Variants in FAM53C observed in about 807,000 individuals in gnomAD.
The protein encoded by FAM53C is family with sequence similarity 53 member C.
Under a neutral mutation model 34.7 loss-of-function variants are expected in FAM53C, and 10 were observed. The ratio of observed to expected loss-of-function variants is 0.29; its 90% CI spans 0.18 to 0.49. FAM53C has a LOEUF of 0.49. Among genes scored for constraint, FAM53C ranks in the 20% least tolerant of loss-of-function variants. FAM53C has a pLI of 0.99. For missense variants in FAM53C, 442 were observed against 515.3 expected, an observed-to-expected ratio of 0.86 and a Z score of 1.38; for synonymous variants, 203 against 203.6, an observed-to-expected ratio of 1.00 and a Z score of 0.03.
At position 138,347,131 on chromosome 5, in the gene FAM53C, T is replaced by A; in HGVS notation, c.*172T>A. The stretch of plus-strand genomic sequence containing the variant: ...AGCAAGCTCGACCATGCCAAGAGAC[T>A]GGCCGGGACAAGATAAACGGAGCTG... On this transcript the variant is annotated 3_prime_UTR_variant, in exon 5 of 5. Coordinates refer to ENST00000239906, the MANE Select transcript of FAM53C (RefSeq NM_016605.3). 1.1e-6 allele frequency: 1 copy of A among 902,634 alleles called. No homozygotes were observed. The highest frequency in any genetic ancestry group is 1.7e-6 in the Non-Finnish European group (1 of 601,092). The allele number at this position is 902,634 out of a possible 1,614,324, so 55.9% of individuals were successfully genotyped here. A position where few individuals can be genotyped will look rare whatever the true frequency, so the allele number is the denominator to read the frequency against.
upstream of FAM53C, chr5:138,337,855 G>T: frequency 1.4e-6 from 1 of 740,416 alleles, no homozygotes; most frequent in Non-Finnish European, 2.0e-6. Context: ...CAGAGCAGGT[G>T]AGGGGCACTG....
chr5:138,345,537 T>C lies in FAM53C; in HGVS notation c.849T>C (p.Thr283=), dbSNP rs749514784. ...CTTGTGATCTGGATGCCCGCAAAAC[T>C]GGGGTCAAGCGGCGCCACGAGGAAG... The part of the protein sequence containing the change: ...SQPCDLDARK[T]GVKRRHEEDP... The change falls in exon 4 of 5, where the codon ACT becomes ACC. Residue 283 remains threonine, a synonymous_variant. Transcript: ENST00000239906. The surrounding 1 kb of genome is among the most constrained non-coding windows in gnomAD (Gnocchi z 6.3). The C allele has an allele frequency of 6.8e-6, 11 of 1,613,718 alleles. No individual in the cohort carries two copies. The East Asian group carries it at 2.5e-4, about 36-fold the overall frequency.
At chr5:138,341,544 G>A in intron 2 of FAM53C, 131 bp downstream of exon 2, 1 of 921,888 alleles carries the variant, frequency 1.1e-6, no homozygotes, top group Non-Finnish European at 1.7e-6. Flanking sequence ...CCCACTAATG[G>A]CTCAAAACCC....
chr5:138,345,637 A>T lies in FAM53C; in HGVS notation c.921+28A>T. 1 of 1,592,050 alleles carries T rather than the reference A, an allele frequency of 6.3e-7. No homozygotes were observed. Among genetic ancestry groups the T allele is most frequent in the South Asian group, 1.1e-5 (1 of 87,946 alleles). ...GGGACCAGCAAGACTAGGGGAGCTT[A>T]GATGGGAGTGTGGGGACTGTTCTGT... On this transcript the variant is annotated intron_variant, in intron 4 of 4. Transcript: ENST00000239906. This position sits in a 1 kb window ranked among gnomAD's most constrained non-coding sequence, Gnocchi z 6.3.
intron 1 of FAM53C, 72 bp downstream of exon 1, chr5:138,338,379 T>G: frequency 2.6e-6 from 1 of 384,692 alleles, no homozygotes; most frequent in African/African-American, 2.2e-5. Flanking sequence ...TCCTTCCCTC[T>G]TTCCCCTCCC....
Position 138,347,043 on chromosome 5 carries a change from G to A in FAM53C, c.*84G>A, listed in dbSNP as rs540945535. 14 of 1,569,110 alleles carry A rather than the reference G, an allele frequency of 8.9e-6. No homozygotes were observed. Among genetic ancestry groups the A allele is most frequent in the South Asian group, 5.8e-5 (5 of 86,014 alleles). ...TGTCGAGTCCCCAAGGCTGGGGGCC[G>A]AGCCTGGGAATGGGGGTGAGTGGAG... is the stretch of plus-strand genomic sequence containing the variant. On this transcript the variant is annotated 3_prime_UTR_variant, in exon 5 of 5. Coordinates refer to ENST00000239906, the MANE Select transcript of FAM53C (RefSeq NM_016605.3).
chr5:138,337,881 C>T, upstream of FAM53C: 1 of 1,088,838 alleles, frequency 9.2e-7, no homozygotes, highest in Admixed American at 2.7e-5. Context: ...AATTGCGTGA[C>T]GCGGCCCGAA....
rs1331811210 is a variant in FAM53C, at chr5:138,349,371, C to T, written c.*2412C>T. On this transcript the variant is annotated 3_prime_UTR_variant, in exon 5 of 5. Transcript: ENST00000239906. ...TGGGCTTACCCAGAGTGGAGCACAC[C>T]TCCAGGGCATGTGGCTGACACTGGG... 6.5e-6 allele frequency: 1 copy of T among 152,672 alleles called. No individual in the cohort carries two copies. Among genetic ancestry groups the T allele is most frequent in the Non-Finnish European group, 1.5e-5 (1 of 68,058 alleles). The allele number at this position is 152,672 out of a possible 1,614,324, so 9.5% of individuals were successfully genotyped here.
chr5:138,338,232 C>T (rs1480252895), upstream of FAM53C: 1 of 1,222,380 alleles, frequency 8.2e-7, no homozygotes, highest in East Asian at 5.7e-5. Context: ...GCGCCAGCGC[C>T]TTTTAAGGGC....
At chr5:138,343,924 A>C (rs1761100286) in intron 3 of FAM53C, among the ~76,000 whole-genome samples, 2 of 152,178 alleles carry the variant, frequency 1.3e-5, no homozygotes, top group African/African-American at 4.8e-5. Flanking sequence ...GAATTTTGCC[A>C]CCATCAAGTC....
At chr5:138,338,230 G>T, upstream of FAM53C, 4 of 1,232,606 alleles carry the variant, frequency 3.2e-6, no homozygotes, top group South Asian at 1.3e-5. Context: ...TCGCGCCAGC[G>T]CCTTTTAAGG....
chr5:138,346,046 C>T (rs1761165823), intron 4 of FAM53C, among the ~76,000 whole-genome samples: 1 of 152,236 alleles, frequency 6.6e-6, no homozygotes, highest in South Asian at 2.1e-4. Flanking sequence ...ACAGTGTATT[C>T]ATCTGTTAGA....
intron 3 of FAM53C, among the ~76,000 whole-genome samples, chr5:138,344,330 A>G (rs776591247): frequency 2.0e-5 from 3 of 152,188 alleles, no homozygotes; most frequent in Non-Finnish European, 4.4e-5. Context: ...TGGCAGTCCT[A>G]ACTCCTGACT....
intron 4 of FAM53C, among the ~76,000 whole-genome samples, chr5:138,346,092 A>G (rs2126890553): frequency 6.6e-6 from 1 of 152,286 alleles, no homozygotes; most frequent in African/African-American, 2.4e-5. Context: ...GAGTACAATT[A>G]TTGTATGTAT....
At position 138,347,924 on chromosome 5, in the gene FAM53C, G is replaced by A. The variant is rs1299151310; in HGVS notation, c.*965G>A. On this transcript the variant is annotated 3_prime_UTR_variant, in exon 5 of 5. Coordinates refer to ENST00000239906, the MANE Select transcript of FAM53C (RefSeq NM_016605.3). Reference sequence around the variant, plus strand: ...TCTGCCCTTCTAAGTCATAGACTAGGTAGGAAGGCCCTATATTGGTCCCCA... The same window carrying A: ...TCTGCCCTTCTAAGTCATAGACTAGATAGGAAGGCCCTATATTGGTCCCCA... 6.6e-6 allele frequency: 1 copy of A among 152,246 alleles called. No individual in the cohort carries two copies. Among genetic ancestry groups the A allele is most frequent in the Admixed American group, 6.5e-5 (1 of 15,268 alleles). 9.4% of individuals were successfully genotyped at this position (152,246 alleles called of 1,614,324 possible).
rs771429354 is a variant in FAM53C, at chr5:138,346,870, G to A, written c.1090G>A (p.Val364Met). The change falls in exon 5 of 5, where the codon GTG (valine) becomes ATG (methionine). Residue 364 changes from valine to methionine, a missense_variant. Val to Met is a conservative substitution (Grantham distance 21). Transcript: ENST00000239906. Reference protein sequence around the residue: ...SESEEEEEGAVRWGRQALSKR... With the variant: ...SESEEEEEGAMRWGRQALSKR... ...AAGCGAAGAGGAGGAGGAGGGGGCT[G>A]TGCGGTGGGGTCGGCAGGCGCTGAG... 2 of 1,614,180 alleles carry A rather than the reference G, an allele frequency of 1.2e-6. No individual in the cohort carries two copies. The highest frequency in any genetic ancestry group is 2.2e-5 in the South Asian group (2 of 91,080).
At chr5:138,337,821 A>T, upstream of FAM53C, 1 of 477,652 alleles carries the variant, frequency 2.1e-6, no homozygotes, top group Non-Finnish European at 3.5e-6. Flanking sequence ...TCCTTCGAAG[A>T]GGTGGTCGTG....
chr5:138,342,772 T>A (rs1445124165), intron 3 of FAM53C: 1 of 151,400 alleles, frequency 6.6e-6, no homozygotes, highest in African/African-American at 2.4e-5. Context: ...ATGCCTGTAA[T>A]CCTAGCACTT....
In FAM53C at chr5:138,347,438, A is replaced by G. The variant is rs768838008; in HGVS notation, c.*479A>G. On this transcript the variant is annotated 3_prime_UTR_variant, in exon 5 of 5. Transcript: ENST00000239906. ...TGCGTAGCCTTAGGGAAGGAAGGCA[A>G]TTGCTCCTTAACAGCAGAGTATCAT... is the stretch of plus-strand genomic sequence containing the variant. The G allele has an allele frequency of 3.0e-4, 52 of 171,448 alleles. No homozygotes were observed. The highest frequency in any genetic ancestry group is 1.2e-3 in the South Asian group (10 of 8,358). 10.6% of individuals were successfully genotyped at this position (171,448 alleles called of 1,614,324 possible).
Sources: gnomAD v4.1 joint callset for allele counts (sites outside exome capture counted in the v4.1 genomes callset) on GRCh38, gnomAD v4.1.1 for gene constraint, Gnocchi (gnomAD v3.1) non-coding constraint, MANE v1.5 for transcripts, NCBI Gene and HGNC (gene_info 2026-07-23, HGNC 2026-07-21) for gene names.